CDHR3: variants seen among roughly 807,000 people sequenced by gnomAD.
The protein encoded by CDHR3 is cadherin-related family member 3.
Under a neutral mutation model 86.6 loss-of-function variants are expected in CDHR3, and 79 were observed. That is an observed-to-expected ratio of 0.91 (90% CI 0.76 to 1.10). The LOEUF (loss-of-function observed/expected upper bound fraction) is 1.10. Among genes scored for constraint, CDHR3 ranks in the 50% least tolerant of loss-of-function variants. The pLI is 0.00. For missense variants in CDHR3, 1,081 were observed against 1,077.6 expected (o/e 1.00, Z -0.04); for synonymous variants, 421 against 402.4 (o/e 1.05, Z -0.55).
chr7:105,970,194 C>T (rs1298246699), intron 1 of CDHR3, among the ~76,000 whole-genome samples: 1 of 138,450 alleles, frequency 7.2e-6, no homozygotes, highest in African/African-American at 2.6e-5. Context: ...CATCACCCCA[C>T]ATTCTTGACC....
At chr7:105,965,294 A>C (rs1826694791) in intron 1 of CDHR3, among the ~76,000 whole-genome samples, 1 of 152,092 alleles carries the variant, frequency 6.6e-6, no homozygotes, top group South Asian at 2.1e-4. Flanking sequence ...TCACTATAAT[A>C]ATCTCAAATA....
chr7:105,992,053 C>G (rs1173387757), intron 4 of CDHR3, among the ~76,000 whole-genome samples: 1 of 152,166 alleles, frequency 6.6e-6, no homozygotes, highest in Non-Finnish European at 1.5e-5. Context: ...GTCTAAGAGT[C>G]CTTCTTCTCA....
chr7:106,019,627 A>T (rs1185074319), intron 12 of CDHR3, among the ~76,000 whole-genome samples: 1 of 152,216 alleles, frequency 6.6e-6, no homozygotes, highest in Non-Finnish European at 1.5e-5. Flanking sequence ...GCTATATTCC[A>T]ATTTACCAGG....
intron 1 of CDHR3, 64 bp downstream of exon 1, chr7:105,963,428 G>A (rs1291500115): frequency 1.3e-6 from 2 of 1,528,870 alleles, no homozygotes; most frequent in Admixed American, 1.7e-5. Flanking sequence ...ACCATTGAAT[G>A]ACAATGTCCC....
Position 106,032,410 on chromosome 7 carries a change from G to A in CDHR3, c.2371G>A (p.Glu791Lys), listed in dbSNP as rs1316291494. The A allele has an allele frequency of 6.2e-7, 1 of 1,610,428 alleles. No homozygotes were observed. The highest frequency in any genetic ancestry group is 1.3e-5 in the African/African-American group (1 of 74,854). Residue 791 changes from glutamate to lysine, a missense_variant, in exon 19 of 19, where the codon GAA becomes AAA. Glu to Lys is a moderately conservative substitution (Grantham distance 56). Coordinates refer to ENST00000317716, the MANE Select transcript of CDHR3 (RefSeq NM_152750.5). Reference protein sequence around the residue: ...AIDPVTGETYEFNSKTGARKW... With the variant: ...AIDPVTGETYKFNSKTGARKW... ...TTCACTAGTGACCGGGGAAACATAT[G>A]AATTCAACTCAAAAACTGGAGCCAG... is the stretch of plus-strand genomic sequence containing the variant.
chr7:105,996,178 G>C (rs1832176625), intron 5 of CDHR3, 72 bp from the exon 6 acceptor site: 2 of 826,164 alleles, frequency 2.4e-6, no homozygotes, highest in Admixed American at 4.0e-5. Context: ...CCCACCCCAT[G>C]ATTTTCCCCA....
intron 1 of CDHR3, 89 bp downstream of exon 1, chr7:105,963,453 G>A: frequency 7.2e-7 from 1 of 1,388,352 alleles, no homozygotes. Flanking sequence ...AAAGGAAATT[G>A]CCCCTGGGAG....
chr7:105,990,016 G>A (rs1000206774), intron 4 of CDHR3, among the ~76,000 whole-genome samples: 30 of 152,200 alleles, frequency 2.0e-4, no homozygotes, highest in African/African-American at 6.8e-4. Context: ...AAAGGAAAAA[G>A]CAAAGGTACT....
At chr7:106,027,408 A>G (rs1193373626) in intron 16 of CDHR3, among the ~76,000 whole-genome samples, 2 of 152,120 alleles carry the variant, frequency 1.3e-5, no homozygotes, top group East Asian at 3.9e-4. Flanking sequence ...AAAAAAAAAA[A>G]AAGAACAGAT....
chr7:105,993,171 T>A (rs1239261698), intron 4 of CDHR3, among the ~76,000 whole-genome samples: 1 of 152,172 alleles, frequency 6.6e-6, no homozygotes, highest in Admixed American at 6.5e-5. Flanking sequence ...ACATCCCTCA[T>A]CCTAGCAGGA....
chr7:106,022,554 G>A, intron 14 of CDHR3, 106 bp downstream of exon 14: 1 of 1,488,560 alleles, frequency 6.7e-7, no homozygotes, highest in Non-Finnish European at 9.0e-7. Context: ...GAAGAGTTGA[G>A]GTATTAGGAT....
intron 15 of CDHR3, 33 bp from the exon 16 acceptor site, chr7:106,026,649 G>A (rs1837385096): frequency 1.2e-6 from 2 of 1,612,678 alleles, no homozygotes; most frequent in East Asian, 4.5e-5. Context: ...ATACTTTCAA[G>A]TGAATTAATA....
chr7:106,011,231 A>G (rs1290755597), intron 8 of CDHR3, among the ~76,000 whole-genome samples: 1 of 152,220 alleles, frequency 6.6e-6, no homozygotes, highest in Non-Finnish European at 1.5e-5. Context: ...CTCCTTTGCA[A>G]TGTGATTTTG....
At chr7:105,996,447 G>T in intron 6 of CDHR3, 93 bp downstream of exon 6, 1 of 654,574 alleles carries the variant, frequency 1.5e-6, no homozygotes. Context: ...CAAGGCAGAG[G>T]GATGCCCTTT....
chr7:105,975,972 G>A (rs1828749336), intron 2 of CDHR3, among the ~76,000 whole-genome samples: 1 of 152,230 alleles, frequency 6.6e-6, no homozygotes, highest in African/African-American at 2.4e-5. Flanking sequence ...CAGACCTGCG[G>A]AACCCATGAC....
chr7:105,964,788 TG>T (rs1253690695), intron 1 of CDHR3, among the ~76,000 whole-genome samples: 1 of 152,210 alleles, frequency 6.6e-6, no homozygotes, highest in African/African-American at 2.4e-5. Flanking sequence ...AATAAATAAC[TG>T]GGTTTCCTAA....
At chr7:105,987,630 G>A (rs1052729703) in intron 4 of CDHR3, among the ~76,000 whole-genome samples, 2 of 152,118 alleles carry the variant, frequency 1.3e-5, no homozygotes, top group South Asian at 2.1e-4. Context: ...TAAAGAACAC[G>A]GATGTCTGTG....
chr7:105,983,086 C>T (rs1830011407), intron 3 of CDHR3, among the ~76,000 whole-genome samples: 1 of 152,056 alleles, frequency 6.6e-6, no homozygotes, highest in Non-Finnish European at 1.5e-5. Flanking sequence ...CTCACACTTC[C>T]TTCCCCAATT....
chr7:106,000,023 G>C (rs1023202192), intron 6 of CDHR3, among the ~76,000 whole-genome samples: 1 of 152,190 alleles, frequency 6.6e-6, no homozygotes, highest in Non-Finnish European at 1.5e-5. Context: ...GCCCAGCCTG[G>C]GGGCGCTGGG....
Sources: allele counts gnomAD v4.1 joint callset (sites outside exome capture counted in the v4.1 genomes callset), GRCh38; gene constraint gnomAD v4.1.1; transcripts MANE v1.5; gene names NCBI Gene and HGNC (gene_info 2026-07-23, HGNC 2026-07-21).